The following KPNA6 variants were observed in gnomAD, a reference collection of about 807,000 sequenced individuals.
KPNA6 encodes importin subunit alpha-7.
Under a neutral mutation model 72.0 loss-of-function variants are expected in KPNA6, and 9 were observed. The ratio of observed to expected loss-of-function variants is 0.13; its 90% CI spans 0.08 to 0.22. KPNA6 has a LOEUF of 0.22. Among genes scored for constraint, KPNA6 ranks in the 10% least tolerant of loss-of-function variants. The pLI, the probability that KPNA6 is intolerant of heterozygous loss-of-function variation, is 1.00. For synonymous variants in KPNA6, 219 were observed against 242.1 expected, an observed-to-expected ratio of 0.90 and a Z score of 0.89; for missense variants, 374 against 655.7, an observed-to-expected ratio of 0.57 and a Z score of 4.69.
intron 1 of KPNA6, among the ~76,000 whole-genome samples, chr1:32,142,727 G>T (rs2124019343): frequency 6.6e-6 from 1 of 152,202 alleles, no homozygotes; most frequent in South Asian, 2.1e-4. Flanking sequence ...TATTTGTATT[G>T]TGAATTTTAA....
intron 11 of KPNA6, among the ~76,000 whole-genome samples, chr1:32,166,689 G>T (rs1642345839): frequency 6.6e-6 from 1 of 151,262 alleles, no homozygotes; most frequent in African/African-American, 2.4e-5. Flanking sequence ...CAGCACTTTG[G>T]GAGGCTGAGG....
chr1:32,137,666 A>C (rs912692404), intron 1 of KPNA6, among the ~76,000 whole-genome samples: 6 of 152,204 alleles, frequency 3.9e-5, no homozygotes, highest in African/African-American at 1.4e-4. Context: ...TCTTGTTCTC[A>C]AAGATTTAAT....
Position 32,162,421 on chromosome 1 carries a change from G to A in KPNA6, c.808G>A (p.Ala270Thr). The A allele has an allele frequency of 6.2e-7, 1 of 1,613,956 alleles. No homozygotes were observed. Among genetic ancestry groups the A allele is most frequent in the Non-Finnish European group, 8.5e-7 (1 of 1,179,930 alleles). The change falls in exon 9 of 14, where the codon GCA becomes ACA. Residue 270 changes from alanine (A) to threonine (T), a missense_variant. Transcript: ENST00000373625. The stretch of plus-strand genomic sequence containing the variant: ...CTTCAGCAGCGACTCGGACTTGCTG[G>A]CAGATGCTTGCTGGGCCCTTTCTTA... Reference protein sequence around the residue: ...LLFSSDSDLLADACWALSYLS... With the variant: ...LLFSSDSDLLTDACWALSYLS...
chr1:32,128,387 TTA>T (rs67312157), intron 1 of KPNA6, among the ~76,000 whole-genome samples: 7,885 of 71,942 alleles, frequency 0.11, 345 homozygotes, highest in East Asian at 0.14. Context: ...ATATATGTAT[TTA>T]TATATATATA....
intron 1 of KPNA6, among the ~76,000 whole-genome samples, chr1:32,132,388 G>T (rs1008737488): frequency 2.0e-5 from 3 of 152,108 alleles, no homozygotes; most frequent in Non-Finnish European, 4.4e-5. Context: ...AGCCTCAACC[G>T]CAAGGGCTCA....
chr1:32,144,738 C>A (rs1026214338), intron 1 of KPNA6, among the ~76,000 whole-genome samples: 46 of 152,008 alleles, frequency 3.0e-4, no homozygotes, highest in Non-Finnish European at 1.5e-4. Flanking sequence ...GTAACCTCCA[C>A]CTTCCAGGTA....
At chr1:32,130,462 G>A (rs191963353) in intron 1 of KPNA6, among the ~76,000 whole-genome samples, 7 of 152,164 alleles carry the variant, frequency 4.6e-5, no homozygotes, top group East Asian at 3.9e-4. Flanking sequence ...GGTTTGATAA[G>A]TTGATTTAAT....
At chr1:32,124,598 C>G (rs1486135155) in intron 1 of KPNA6, among the ~76,000 whole-genome samples, 1 of 151,668 alleles carries the variant, frequency 6.6e-6, no homozygotes, top group African/African-American at 2.4e-5. Flanking sequence ...CCTCTGCCTC[C>G]TGGGTTCATA....
chr1:32,154,931 A>C (rs1642109148), intron 2 of KPNA6, among the ~76,000 whole-genome samples: 1 of 151,938 alleles, frequency 6.6e-6, no homozygotes, highest in Admixed American at 6.6e-5. Context: ...AACATGGTGA[A>C]ACTTCATTTT....
At chr1:32,120,980 G>A (rs1216122415) in intron 1 of KPNA6, among the ~76,000 whole-genome samples, 13 of 151,682 alleles carry the variant, frequency 8.6e-5, no homozygotes, top group Admixed American at 8.6e-4. Context: ...GCGTTCAAGC[G>A]ACTCTCCTGC....
intron 1 of KPNA6, among the ~76,000 whole-genome samples, chr1:32,114,578 T>A (rs1641297006): frequency 6.6e-6 from 1 of 152,102 alleles, no homozygotes; most frequent in African/African-American, 2.4e-5. Flanking sequence ...TCTGAGATTT[T>A]CAGAATAGTA....
Position 32,143,588 on chromosome 1 carries a change from A to G in KPNA6, c.5-11000A>G, listed in dbSNP as rs12077483. Among the ~76,000 whole-genome samples the G allele has an allele frequency of 8.9e-3, 978 of 110,098 alleles. 17 individuals are homozygous for G. Among genetic ancestry groups the G allele is most frequent in the African/African-American group, 0.031 (803 of 25,670 alleles). The allele number at this position is 110,098 out of a possible 152,430, so 72.2% of individuals were successfully genotyped here. The stretch of plus-strand genomic sequence containing the variant: ...ATTCTGTCTTAAAAAAAAAAAAAAG[A>G]AAAGAAAAAAAAATTATTAGTGATA... On this transcript the variant is annotated intron_variant, in intron 1 of 13. Transcript: ENST00000373625.
At chr1:32,156,986 C>A in intron 3 of KPNA6, 41 bp downstream of exon 3, 2 of 1,453,692 alleles carry the variant, frequency 1.4e-6, no homozygotes, top group Non-Finnish European at 1.9e-6. Context: ...CTGGAAAACA[C>A]CTGCTTCTAA....
intron 8 of KPNA6, 70 bp from the exon 9 acceptor site, chr1:32,162,291 T>C (rs370592550): frequency 8.5e-6 from 12 of 1,415,690 alleles, no homozygotes; most frequent in Non-Finnish European, 9.6e-6. Flanking sequence ...GTGGTTGCAA[T>C]GTTAGGGTTC....
rs759447035 is a variant in KPNA6, at chr1:32,136,181, C to CTTTTTTTTTTTTTTTT, written c.5-18395_5-18394insTTTTTTTTTTTTTTTT. ...TAAAATCCACATTTCTAGCTTCTCT[C>CTTTTTTTTTTTTTTTT]TTTTTTTTTTTTGAGATGGAGTTTC... On this transcript the variant is annotated intron_variant, in intron 1 of 13. Transcript: ENST00000373625. Among the ~76,000 whole-genome samples, 368 of 139,062 alleles carry CTTTTTTTTTTTTTTTT rather than the reference C, an allele frequency of 2.6e-3. 8 individuals carry two copies. The highest frequency in any genetic ancestry group is 6.4e-3 in the East Asian group (29 of 4,554). The allele number at this position is 139,062 out of a possible 152,430, so 91.2% of individuals were successfully genotyped here.
At chr1:32,145,236 GATGTGA>G (rs1641910093) in intron 1 of KPNA6, among the ~76,000 whole-genome samples, 2 of 151,898 alleles carry the variant, frequency 1.3e-5, no homozygotes, top group African/African-American at 2.4e-5. Flanking sequence ...TGGGATTACA[GATGTGA>G]GCCACCACGC....
In KPNA6 at chr1:32,170,781, C is replaced by T. The variant is rs370945671; in HGVS notation, c.1498C>T (p.His500Tyr). ...IYQKAFDLIE[H>Y]YFGVEDDDSS... ...CCAGAAGGCCTTCGACCTCATTGAGCACTACTTTGGTGTAGAAGACGATGA... is the reference window on the plus strand; with the variant it reads ...CCAGAAGGCCTTCGACCTCATTGAGTACTACTTTGGTGTAGAAGACGATGA... The change falls in exon 14 of 14, where the codon CAC becomes TAC. Residue 500 changes from histidine to tyrosine, a missense_variant. Physicochemically the swap from His to Tyr is moderately conservative, Grantham distance 83 (BLOSUM62 2). This residue lies in a region of KPNA6 where 42 missense variants were observed against 49.8 expected (regional missense o/e 0.84). Transcript: ENST00000373625. The T allele has an allele frequency of 1.9e-6, 3 of 1,614,084 alleles. No individual in the cohort carries two copies. Among genetic ancestry groups the T allele is most frequent in the East Asian group, 2.2e-5 (1 of 44,890 alleles).
At chr1:32,154,476 C>T (rs1315247252) in intron 1 of KPNA6, 112 bp from the exon 2 acceptor site, 1 of 1,116,470 alleles carries the variant, frequency 9.0e-7, no homozygotes. Flanking sequence ...TCCCAGAGAG[C>T]TGTATTCCCC....
chr1:32,153,220 A>G (rs1461694368), intron 1 of KPNA6, among the ~76,000 whole-genome samples: 2 of 152,078 alleles, frequency 1.3e-5, no homozygotes, highest in African/African-American at 4.8e-5. Flanking sequence ...GGGCACAAAT[A>G]AGACAATATT....
Sources: gnomAD v4.1 joint callset for allele counts (sites outside exome capture counted in the v4.1 genomes callset) on GRCh38, gnomAD v4.1.1 for gene constraint, gnomAD v4.1.1 regional missense constraint, MANE v1.5 for transcripts, NCBI Gene and HGNC (gene_info 2026-07-23, HGNC 2026-07-21) for gene names.